Variants in CNTNAP2 observed in about 807,000 individuals in gnomAD.
CNTNAP2 encodes contactin associated protein 2, also known as contactin-associated protein-like 2.
A neutral mutation model predicts 155.2 loss-of-function variants in CNTNAP2; 98 were observed. The observed-to-expected ratio is 0.63, with a 90% confidence interval of 0.54 to 0.75. The LOEUF (loss-of-function observed/expected upper bound fraction) is 0.75. Among genes scored for constraint, CNTNAP2 ranks in the 30% least tolerant of loss-of-function variants. The pLI, the probability that CNTNAP2 is intolerant of heterozygous loss-of-function variation, is 0.00. For missense variants in CNTNAP2, 1,727 were observed against 1,688.1 expected (o/e 1.02, Z -0.40); for synonymous variants, 651 against 631.2 (o/e 1.03, Z -0.47).
intron 1 of CNTNAP2, among the ~76,000 whole-genome samples, chr7:146,377,619 C>T (rs531353856): frequency 6.6e-6 from 1 of 152,296 alleles, no homozygotes; most frequent in East Asian, 1.9e-4. Context: ...CCACTCTCTA[C>T]AGCCACTTGA....
intron 1 of CNTNAP2, among the ~76,000 whole-genome samples, chr7:146,705,347 G>A (rs1215900472): frequency 6.6e-6 from 1 of 152,024 alleles, no homozygotes; most frequent in East Asian, 1.9e-4. Flanking sequence ...GATTCAGTGT[G>A]GTAAGTATTT....
At chr7:146,962,914 C>T (rs535021911) in intron 3 of CNTNAP2, 2 of 152,270 alleles carry the variant, frequency 1.3e-5, no homozygotes, top group Admixed American at 6.5e-5. Context: ...TCACATTCAC[C>T]CTAGACTGCT....
chr7:146,445,958 A>C (rs977707913), intron 1 of CNTNAP2, among the ~76,000 whole-genome samples: 10 of 152,156 alleles, frequency 6.6e-5, no homozygotes, highest in African/African-American at 2.4e-4. Context: ...ACTCTCCTTC[A>C]GGTGATGGGA....
intron 1 of CNTNAP2, among the ~76,000 whole-genome samples, chr7:146,179,923 A>G (rs1432792320): frequency 6.6e-6 from 1 of 152,214 alleles, no homozygotes; most frequent in Non-Finnish European, 1.5e-5. Context: ...TTTAAACAAT[A>G]TGAAATGATT....
chr7:146,922,084 A>G (rs1166899289), intron 3 of CNTNAP2, among the ~76,000 whole-genome samples: 1 of 152,184 alleles, frequency 6.6e-6, no homozygotes, highest in African/African-American at 2.4e-5. Flanking sequence ...CCCACCCAGT[A>G]ATAATGCCAG....
At chr7:146,642,536 A>C (rs980480335) in intron 1 of CNTNAP2, among the ~76,000 whole-genome samples, 1 of 151,274 alleles carries the variant, frequency 6.6e-6, no homozygotes. Flanking sequence ...TACGTGCCAC[A>C]TTTTCTTCAT....
intron 8 of CNTNAP2, among the ~76,000 whole-genome samples, chr7:147,186,395 A>G (rs1802567850): frequency 6.6e-6 from 1 of 152,134 alleles, no homozygotes; most frequent in Non-Finnish European, 1.5e-5. Context: ...CTTTGAAGCA[A>G]ACTTTTGAGG....
At chr7:146,412,688 C>T (rs1238506221) in intron 1 of CNTNAP2, among the ~76,000 whole-genome samples, 1 of 152,136 alleles carries the variant, frequency 6.6e-6, no homozygotes, top group Admixed American at 6.6e-5. Flanking sequence ...ATCTATGAGG[C>T]GGAGCTGTAA....
At chr7:148,067,493 G>A (rs573262524) in intron 15 of CNTNAP2, among the ~76,000 whole-genome samples, 1 of 152,326 alleles carries the variant, frequency 6.6e-6, no homozygotes, top group East Asian at 1.9e-4. Context: ...CACTTGCTCT[G>A]GTCGAGGTAG....
chr7:146,254,461 T>C (rs1027901069), intron 1 of CNTNAP2, among the ~76,000 whole-genome samples: 3 of 152,156 alleles, frequency 2.0e-5, no homozygotes, highest in African/African-American at 7.2e-5. Flanking sequence ...ATATGGAGAA[T>C]AAAAATGAAA....
intron 3 of CNTNAP2, among the ~76,000 whole-genome samples, chr7:147,001,614 G>A (rs143152083): frequency 0.016 from 2,378 of 151,990 alleles, 24 homozygotes; most frequent in Middle Eastern, 0.031. Context: ...TGATGATGCT[G>A]TAATTCTTAT....
At chr7:146,378,522 T>A (rs1393025721) in intron 1 of CNTNAP2, among the ~76,000 whole-genome samples, 1 of 152,176 alleles carries the variant, frequency 6.6e-6, no homozygotes, top group African/African-American at 2.4e-5. Flanking sequence ...TCCTATGAAG[T>A]AGATACTGCT....
chr7:146,928,707 T>C (rs935276899), intron 3 of CNTNAP2, among the ~76,000 whole-genome samples: 7 of 152,116 alleles, frequency 4.6e-5, no homozygotes, highest in African/African-American at 1.7e-4. Context: ...ACAGAAGGCA[T>C]CTGGAAAATC....
chr7:148,215,586 G>C (rs915340345), intron 18 of CNTNAP2, among the ~76,000 whole-genome samples: 1 of 151,080 alleles, frequency 6.6e-6, no homozygotes, highest in African/African-American at 2.4e-5. Context: ...GTGGTGATGT[G>C]AGGTGGGGGC....
chr7:147,469,690 T>C (rs1798182408), intron 10 of CNTNAP2, among the ~76,000 whole-genome samples: 2 of 151,664 alleles, frequency 1.3e-5, no homozygotes, highest in African/African-American at 4.8e-5. Flanking sequence ...GGCTAATTTT[T>C]TGTGTTTTTA....
At chr7:147,533,775 T>A (rs1799487535) in intron 11 of CNTNAP2, among the ~76,000 whole-genome samples, 1 of 151,918 alleles carries the variant, frequency 6.6e-6, no homozygotes, top group Admixed American at 6.6e-5. Context: ...AACAGGGCAT[T>A]GGTAAGAATA....
intron 2 of CNTNAP2, among the ~76,000 whole-genome samples, chr7:146,794,175 G>T (rs574901819): frequency 1.2e-3 from 190 of 152,282 alleles, no homozygotes; most frequent in African/African-American, 4.4e-3. Flanking sequence ...CATGGGCTTA[G>T]CCTTAGCAAT....
chr7:147,494,728 T>A (rs1437553624), intron 11 of CNTNAP2, among the ~76,000 whole-genome samples: 1 of 152,160 alleles, frequency 6.6e-6, no homozygotes, highest in Non-Finnish European at 1.5e-5. Flanking sequence ...AAAAATGATA[T>A]AGGGAAAGAG....
In CNTNAP2 at chr7:148,172,424, G is replaced by A. The variant is rs751542883; in HGVS notation, c.2956G>A (p.Gly986Ser). Residue 986 changes from glycine (G) to serine (S), a missense_variant, in exon 18 of 24, where the codon GGT becomes AGT. Transcript: ENST00000361727. ...AGGCAAATGCCTAGAGAGATACCAC[G>A]GTTACTCCTGCGATTGCTCTAATAC... is the stretch of plus-strand genomic sequence containing the variant. ...NGGKCLERYH[G>S]YSCDCSNTAY... 1.5e-5 allele frequency: 24 copies of A among 1,614,022 alleles called. No individual in the cohort carries two copies. The highest frequency in any genetic ancestry group is 1.6e-4 in the Middle Eastern group (1 of 6,084).
Sources: gnomAD v4.1 joint callset for allele counts (sites outside exome capture counted in the v4.1 genomes callset) on GRCh38, gnomAD v4.1.1 for gene constraint, MANE v1.5 for transcripts, NCBI Gene and HGNC (gene_info 2026-07-23, HGNC 2026-07-21) for gene names.